Variants in PPP1R9A observed in about 807,000 individuals in gnomAD.
PPP1R9A encodes the protein protein phosphatase 1 regulatory subunit 9A, also known as neurabin-1.
In PPP1R9A, 59 loss-of-function variants were observed where a neutral mutation model predicts 141.9. The observed-to-expected ratio is 0.42, with a 90% CI of 0.34 to 0.52. The LOEUF (loss-of-function observed/expected upper bound fraction) is 0.52, where lower values mean the gene tolerates loss of function less well. Ranked by LOEUF, PPP1R9A falls within the 20% of genes least tolerant of loss-of-function variation. The pLI, the probability that PPP1R9A is intolerant of heterozygous loss-of-function variation, is 0.10. For missense variants in PPP1R9A, 1,444 were observed against 1,611.9 expected (o/e 0.90, Z 1.78); for synonymous variants, 500 against 569.7 (o/e 0.88, Z 1.74).
chr7:94,961,143 GTTCTC>G (rs1182975803), intron 2 of PPP1R9A, among the ~76,000 whole-genome samples: 1 of 151,454 alleles, frequency 6.6e-6, no homozygotes, highest in Non-Finnish European at 1.5e-5. Flanking sequence ...TCTTTTAAAT[GTTCTC>G]TTCTCCTTCC....
intron 4 of PPP1R9A, among the ~76,000 whole-genome samples, chr7:95,133,315 G>A (rs1310580329): frequency 2.0e-5 from 3 of 151,856 alleles, no homozygotes; most frequent in African/African-American, 4.8e-5. Context: ...CTTGTAGGTC[G>A]GGTTTCACCA....
chr7:94,981,482 C>T (rs1800103551), intron 2 of PPP1R9A, among the ~76,000 whole-genome samples: 1 of 152,152 alleles, frequency 6.6e-6, no homozygotes, highest in African/African-American at 2.4e-5. Context: ...TCTGATGAGC[C>T]TGCCTCAGCC....
rs752435611 is a variant in PPP1R9A at position 94,954,698 on chromosome 7, G to GT, written c.1395+43200dup. Among the ~76,000 whole-genome samples, 600 of 145,726 alleles carry GT rather than the reference G, an allele frequency of 4.1e-3. 21 individuals are homozygous for GT. Among genetic ancestry groups the GT allele is most frequent in the East Asian group, 0.038 (191 of 4,970 alleles). ...TAATGTAACATTTCCATTTCTGTTG[G>GT]TTTTTTTTTTCCTCTTTTTTGGTGA... On this transcript the variant is annotated intron_variant, in intron 2 of 19. Transcript: ENST00000433360.
intron 2 of PPP1R9A, among the ~76,000 whole-genome samples, chr7:94,973,185 A>G (rs1001612664): frequency 6.6e-6 from 1 of 152,252 alleles, no homozygotes; most frequent in African/African-American, 2.4e-5. Context: ...TATTGAAGCA[A>G]GAAATATATC....
chr7:95,180,749 A>G (rs1267704501), intron 5 of PPP1R9A, among the ~76,000 whole-genome samples: 2 of 152,138 alleles, frequency 1.3e-5, no homozygotes, highest in African/African-American at 4.8e-5. Context: ...AGATATACAA[A>G]TGGCCAAAAA....
intron 4 of PPP1R9A, among the ~76,000 whole-genome samples, chr7:95,137,972 A>G (rs1367534938): frequency 7.1e-6 from 1 of 140,684 alleles, no homozygotes; most frequent in African/African-American, 2.8e-5. Flanking sequence ...TTGCTTTGTC[A>G]CCCAGGCTGG....
At chr7:95,111,125 C>T (rs1820477644) in intron 2 of PPP1R9A, 134 bp from the exon 3 acceptor site, 1 of 1,000,096 alleles carries the variant, frequency 1.0e-6, no homozygotes, top group African/African-American at 1.6e-5. Context: ...TTCTTAACAT[C>T]TCAATTGATT....
intron 5 of PPP1R9A, among the ~76,000 whole-genome samples, chr7:95,175,562 GA>G (rs373413479): frequency 4.0e-4 from 60 of 151,228 alleles, no homozygotes; most frequent in Admixed American, 1.8e-3. Flanking sequence ...GTGAACTCTG[GA>G]AAAAGGATTA....
chr7:95,086,636 C>G (rs1479587809), intron 2 of PPP1R9A, among the ~76,000 whole-genome samples: 1 of 151,898 alleles, frequency 6.6e-6, no homozygotes, highest in African/African-American at 2.4e-5. Context: ...TTCTTAAAAC[C>G]TACTCCTAGT....
intron 5 of PPP1R9A, among the ~76,000 whole-genome samples, chr7:95,170,054 T>A (rs1831873238): frequency 6.6e-6 from 1 of 151,750 alleles, no homozygotes; most frequent in South Asian, 2.1e-4. Context: ...AAAAAGAAGG[T>A]TCTACTCCAA....
At chr7:95,134,271 G>C (rs955483629) in intron 4 of PPP1R9A, among the ~76,000 whole-genome samples, 1 of 152,012 alleles carries the variant, frequency 6.6e-6, no homozygotes, top group African/African-American at 2.4e-5. Flanking sequence ...TGAACAATGA[G>C]AATACATGGA....
intron 2 of PPP1R9A, among the ~76,000 whole-genome samples, chr7:94,927,211 A>C (rs1179432076): frequency 6.6e-6 from 1 of 152,188 alleles, no homozygotes. Context: ...CATGTTTTGT[A>C]AAATGCATTG....
chr7:95,246,302 T>C (rs934064653), intron 8 of PPP1R9A, among the ~76,000 whole-genome samples: 6 of 152,328 alleles, frequency 3.9e-5, no homozygotes, highest in Non-Finnish European at 7.4e-5. Flanking sequence ...ATTTCTGTCC[T>C]TCTGTCAGAC....
intron 5 of PPP1R9A, among the ~76,000 whole-genome samples, chr7:95,173,228 C>A (rs550366823): frequency 6.6e-6 from 1 of 151,834 alleles, no homozygotes; most frequent in East Asian, 1.9e-4. Context: ...CATGGGTATC[C>A]ATGGACATAC....
At chr7:94,924,820 G>T (rs1296337168) in intron 2 of PPP1R9A, among the ~76,000 whole-genome samples, 1 of 152,122 alleles carries the variant, frequency 6.6e-6, no homozygotes, top group Non-Finnish European at 1.5e-5. Flanking sequence ...GTGTGCCACT[G>T]CGTCTGGCCT....
intron 2 of PPP1R9A, among the ~76,000 whole-genome samples, chr7:94,973,457 A>G (rs1361090220): frequency 6.6e-6 from 1 of 152,104 alleles, no homozygotes; most frequent in Non-Finnish European, 1.5e-5. Flanking sequence ...ATAAGAAAAA[A>G]AGTGAACGTT....
rs748938191 is a variant in PPP1R9A, at chr7:94,911,048, C to T, written c.935C>T (p.Thr312Ile). Residue 312 changes from threonine (T) to isoleucine (I), a missense_variant, in exon 2 of 20, where the codon ACT becomes ATT. By Grantham distance (89) the Thr-to-Ile change is moderately conservative. Coordinates refer to ENST00000433360, the MANE Select transcript of PPP1R9A (RefSeq NM_001166160.2). Reference sequence around the variant, plus strand: ...GAGGACTCCACATCTAATCAACAGACTCCCGACAGCATTGACAAAGATGGT... The same window carrying T: ...GAGGACTCCACATCTAATCAACAGATTCCCGACAGCATTGACAAAGATGGT... ...EPEDSTSNQQ[T>I]PDSIDKDGPE... is the part of the protein sequence containing the mutation. 6.2e-7 allele frequency: 1 copy of T among 1,614,204 alleles called. No individual in the cohort carries two copies. Among genetic ancestry groups the T allele is most frequent in the Non-Finnish European group, 8.5e-7 (1 of 1,180,026 alleles).
At chr7:95,099,887 CTA>C (rs1460520248) in intron 2 of PPP1R9A, among the ~76,000 whole-genome samples, 3 of 151,992 alleles carry the variant, frequency 2.0e-5, no homozygotes, top group African/African-American at 7.2e-5. Context: ...TGATTGAATT[CTA>C]TGTTGTCAAA....
chr7:95,153,302 A>G (rs1194368824), intron 4 of PPP1R9A, among the ~76,000 whole-genome samples: 1 of 152,214 alleles, frequency 6.6e-6, no homozygotes, highest in Non-Finnish European at 1.5e-5. Context: ...CTTGAAGTTA[A>G]GTACACAAGA....
Sources: allele counts gnomAD v4.1 joint callset (sites outside exome capture counted in the v4.1 genomes callset), GRCh38; gene constraint gnomAD v4.1.1; transcripts MANE v1.5; gene names NCBI Gene and HGNC (gene_info 2026-07-23, HGNC 2026-07-21).